FER1L6: variants seen among roughly 807,000 people sequenced by gnomAD.
The protein encoded by FER1L6 is fer-1 like family member 6.
In FER1L6, 177 loss-of-function variants were observed where a neutral mutation model predicts 219.2. That is an observed-to-expected ratio of 0.81 (90% CI 0.71 to 0.91). FER1L6 has a LOEUF of 0.91. Among genes scored for constraint, FER1L6 ranks in the 40% least tolerant of loss-of-function variants. The pLI is 0.00. For missense variants in FER1L6, 2,153 were observed against 2,259.9 expected, an observed-to-expected ratio of 0.95 and a Z score of 0.96; for synonymous variants, 768 against 824.3, an observed-to-expected ratio of 0.93 and a Z score of 1.17.
intron 12 of FER1L6, among the ~76,000 whole-genome samples, chr8:123,991,467 A>AT (rs1816850279): frequency 6.6e-6 from 1 of 151,150 alleles, no homozygotes; most frequent in African/African-American, 2.4e-5. Flanking sequence ...TTTTGCAGCT[A>AT]TTGTAAAAGG....
At chr8:123,906,304 T>A (rs1317132874) in intron 1 of FER1L6, among the ~76,000 whole-genome samples, 1 of 152,148 alleles carries the variant, frequency 6.6e-6, no homozygotes, top group Non-Finnish European at 1.5e-5. Flanking sequence ...AAGTATCTAG[T>A]GTTTTCAGGC....
chr8:123,881,117 T>C (rs1019349466), intron 1 of FER1L6, among the ~76,000 whole-genome samples: 3 of 152,224 alleles, frequency 2.0e-5, no homozygotes, highest in Non-Finnish European at 4.4e-5. Context: ...ACTTAGATTG[T>C]TTATTAGAGT....
intron 31 of FER1L6, among the ~76,000 whole-genome samples, chr8:124,075,318 GT>G (rs981711617): frequency 5.9e-5 from 9 of 151,412 alleles, no homozygotes; most frequent in Admixed American, 5.9e-4. Flanking sequence ...TTTAAACTTT[GT>G]TGTTAAAAAC....
chr8:123,893,242 G>T (rs1812682605), intron 1 of FER1L6, among the ~76,000 whole-genome samples: 1 of 152,116 alleles, frequency 6.6e-6, no homozygotes, highest in Non-Finnish European at 1.5e-5. Flanking sequence ...TTGAAAGCAG[G>T]TTTCGGACAA....
At chr8:124,016,241 C>T (rs145051346) in intron 15 of FER1L6, among the ~76,000 whole-genome samples, 70 of 152,222 alleles carry the variant, frequency 4.6e-4, no homozygotes, top group African/African-American at 1.6e-3. Flanking sequence ...AAGATTCCCT[C>T]CTCAAAATAT....
At chr8:124,095,463 A>G (rs1400677473) in intron 35 of FER1L6, among the ~76,000 whole-genome samples, 1 of 152,224 alleles carries the variant, frequency 6.6e-6, no homozygotes, top group Admixed American at 6.5e-5. Flanking sequence ...ACAGCCTAGT[A>G]ATAACACACA....
At chr8:123,898,182 A>C (rs1447992897) in intron 1 of FER1L6, among the ~76,000 whole-genome samples, 1 of 152,202 alleles carries the variant, frequency 6.6e-6, no homozygotes, top group Non-Finnish European at 1.5e-5. Flanking sequence ...TTTTCTTGTA[A>C]AATATTCAAA....
chr8:124,063,932 C>T (rs1338066231), intron 25 of FER1L6, among the ~76,000 whole-genome samples: 3 of 152,136 alleles, frequency 2.0e-5, no homozygotes, highest in African/African-American at 4.8e-5. Context: ...TACTTTTGTG[C>T]CCAGAGTTCT....
At chr8:123,856,953 C>T (rs753752432) in intron 1 of FER1L6, among the ~76,000 whole-genome samples, 5 of 152,048 alleles carry the variant, frequency 3.3e-5, no homozygotes, top group East Asian at 1.9e-4. Flanking sequence ...AGATGAGATG[C>T]CTTGACAAGC....
chr8:124,089,990 T>G (rs1343763765), intron 33 of FER1L6, among the ~76,000 whole-genome samples: 10 of 152,252 alleles, frequency 6.6e-5, no homozygotes, highest in Non-Finnish European at 1.5e-5. Flanking sequence ...TTTATTCTGT[T>G]ATAAATATTG....
intron 37 of FER1L6, among the ~76,000 whole-genome samples, chr8:124,098,824 C>G (rs1822421571): frequency 6.6e-6 from 1 of 152,174 alleles, no homozygotes. Flanking sequence ...TTTGTTCACT[C>G]TCTGTCTCCT....
intron 3 of FER1L6, among the ~76,000 whole-genome samples, chr8:123,965,187 AT>A (rs1426351872): frequency 1.3e-5 from 2 of 152,218 alleles, no homozygotes; most frequent in Non-Finnish European, 2.9e-5. Context: ...GGAGAACAAT[AT>A]TCTAACTCAG....
intron 1 of FER1L6, among the ~76,000 whole-genome samples, chr8:123,872,077 G>A (rs1049009030): frequency 6.6e-5 from 10 of 152,126 alleles, no homozygotes; most frequent in African/African-American, 2.2e-4. Context: ...AGGTGAAGGG[G>A]GAGCAGGTGT....
At chr8:124,112,240 C>T (rs559202775) in intron 39 of FER1L6, among the ~76,000 whole-genome samples, 8 of 152,196 alleles carry the variant, frequency 5.3e-5, no homozygotes, top group East Asian at 1.9e-4. Flanking sequence ...TGCTGGCAGG[C>T]GAGAGAGGGT....
At chr8:124,035,245 A>G in intron 18 of FER1L6, 32 bp from the exon 19 acceptor site, 1 of 1,600,864 alleles carries the variant, frequency 6.2e-7, no homozygotes, top group Non-Finnish European at 8.5e-7. Flanking sequence ...TCTCCTACTA[A>G]TAAGTCAGTC....
rs567012506 is a variant in FER1L6 at position 124,014,122 on chromosome 8, G to T, written c.1922+591G>T. Among the ~76,000 whole-genome samples the T allele has an allele frequency of 3.3e-5, 5 of 152,198 alleles. No homozygotes were observed. In the South Asian group the frequency reaches 1.0e-3, roughly 32 times the overall value. ...CATGCAAATGTATTAACGTGCACAG[G>T]GGAGAATCACAGAGTGATTACTCAA... On this transcript the variant is annotated intron_variant, in intron 15 of 40. Coordinates refer to ENST00000522917, the MANE Select transcript of FER1L6 (RefSeq NM_001039112.2).
rs754453710 is a variant in FER1L6 at position 124,101,297 on chromosome 8, A to C, written c.5084A>C (p.Gln1695Pro). 1.1e-5 allele frequency: 18 copies of C among 1,613,840 alleles called. 1 individual carries two copies. In the South Asian group the frequency reaches 2.0e-4, roughly 18 times the overall value. ...AAGACTCCTGCTGTGTTGGTGCTGC[A>C]GGTTTGGGATTTTGAAAGGCTGTCC... is the stretch of plus-strand genomic sequence containing the variant. ...ECKTPAVLVL[Q>P]VWDFERLSSD... is the part of the protein sequence containing the mutation. The change falls in exon 38 of 41, where the codon CAG (glutamine) becomes CCG (proline). Residue 1695 changes from glutamine (Q) to proline (P), a missense_variant. Gln to Pro is a moderately conservative substitution (Grantham distance 76). Transcript: ENST00000522917.
rs552169114 is a variant in FER1L6 at position 124,094,367 on chromosome 8, G to C, written c.4553-529G>C. On this transcript the variant is annotated intron_variant, in intron 34 of 40. Transcript: ENST00000522917. ...GCTCTCTGGGTCCTCTTGTGAACTA[G>C]TCTTATTTCCCTCTCTCTAAACTTT... Among the ~76,000 whole-genome samples the C allele has an allele frequency of 1.2e-4, 19 of 152,172 alleles. No individual in the cohort carries two copies. The East Asian group carries it at 1.9e-3, about 15-fold the overall frequency.
rs529448289 is a variant in FER1L6 at position 123,979,146 on chromosome 8, A to G, written c.1064-1319A>G. Among the ~76,000 whole-genome samples, 6 of 152,338 alleles carry G rather than the reference A, an allele frequency of 3.9e-5. No homozygotes were observed. The East Asian group carries it at 1.2e-3, about 29-fold the overall frequency. Reference sequence around the variant, plus strand: ...CATAAAACTATTGATAATAGTTTCCATACATGGAAACATCTAATTGTCAAC... The same window carrying G: ...CATAAAACTATTGATAATAGTTTCCGTACATGGAAACATCTAATTGTCAAC... On this transcript the variant is annotated intron_variant, in intron 10 of 40. Transcript: ENST00000522917.
Sources: gnomAD v4.1 joint callset for allele counts (sites outside exome capture counted in the v4.1 genomes callset) on GRCh38, gnomAD v4.1.1 for gene constraint, MANE v1.5 for transcripts, NCBI Gene and HGNC (gene_info 2026-07-23, HGNC 2026-07-21) for gene names.